WWOX: variants seen among roughly 807,000 people sequenced by gnomAD.
WWOX encodes the protein WW domain-containing oxidoreductase.
In WWOX, 69 loss-of-function variants were observed where a neutral mutation model predicts 46.2. The ratio of observed to expected loss-of-function variants is 1.49; its 90% CI spans 1.23 to 1.82. WWOX has a LOEUF of 1.82. WWOX is among the 40% of genes most tolerant of loss of function. The pLI, the probability that WWOX is intolerant of heterozygous loss-of-function variation, is 0.00. For synonymous variants in WWOX, 359 were observed against 202.6 expected (o/e 1.77, Z -6.56); for missense variants, 919 against 542.6 (o/e 1.69, Z -6.89).
Position 78,972,101 on chromosome 16 carries a change from G to A in WWOX, c.1057-239507G>A, listed in dbSNP as rs143997163. 3.1e-3 allele frequency among the ~76,000 whole-genome samples: 477 copies of A among 152,278 alleles called. 1 individual carries two copies. The highest frequency in any genetic ancestry group is 4.7e-3 in the Non-Finnish European group (319 of 68,024). ...ATACCCAGCAGCCCAGACCTCTCAG[G>A]AAAGAGCAGGCTGTCGTCCTGCATT... On this transcript the variant is annotated intron_variant, in intron 8 of 8. Coordinates refer to ENST00000566780, the MANE Select transcript of WWOX (RefSeq NM_016373.4).
intron 8 of WWOX, among the ~76,000 whole-genome samples, chr16:78,931,071 G>A (rs767699522): frequency 4.6e-5 from 7 of 152,124 alleles, no homozygotes; most frequent in Non-Finnish European, 1.0e-4. Context: ...GTTTTACTTA[G>A]TGATGAGCAT....
chr16:78,652,357 C>G (rs1389264452), intron 8 of WWOX, among the ~76,000 whole-genome samples: 2 of 137,184 alleles, frequency 1.5e-5, no homozygotes, highest in African/African-American at 5.7e-5. Context: ...TGCAGCGAGT[C>G]AAGGTCACGC....
chr16:79,147,548 A>T (rs1380666764), intron 8 of WWOX, among the ~76,000 whole-genome samples: 1 of 152,248 alleles, frequency 6.6e-6, no homozygotes, highest in African/African-American at 2.4e-5. Context: ...TAATGCTATT[A>T]TAAACATTTG....
intron 8 of WWOX, among the ~76,000 whole-genome samples, chr16:78,702,852 C>A (rs1233199179): frequency 6.6e-6 from 1 of 152,054 alleles, no homozygotes; most frequent in Non-Finnish European, 1.5e-5. Context: ...CTGTCCTTTT[C>A]CACCATTGTT....
intron 8 of WWOX, among the ~76,000 whole-genome samples, chr16:78,655,323 G>A (rs1016842626): frequency 1.3e-5 from 2 of 152,194 alleles, no homozygotes; most frequent in Non-Finnish European, 2.9e-5. Flanking sequence ...ACCGAGCAGT[G>A]CCTGTCCTTT....
At chr16:78,851,078 G>A (rs1378075771) in intron 8 of WWOX, among the ~76,000 whole-genome samples, 1 of 152,186 alleles carries the variant, frequency 6.6e-6, no homozygotes, top group Admixed American at 6.5e-5. Context: ...AGTGAGGCCA[G>A]GTGACTTAAT....
At chr16:79,078,569 C>T (rs1308977930) in intron 8 of WWOX, among the ~76,000 whole-genome samples, 1 of 152,192 alleles carries the variant, frequency 6.6e-6, no homozygotes, top group African/African-American at 2.4e-5. Context: ...ATTCATTAAG[C>T]ATCCCTCGCC....
chr16:78,358,836 T>A (rs2081350402), intron 5 of WWOX, among the ~76,000 whole-genome samples: 1 of 150,494 alleles, frequency 6.6e-6, no homozygotes, highest in Admixed American at 6.6e-5. Context: ...AATTCAAATA[T>A]ATTTCATAAA....
intron 8 of WWOX, among the ~76,000 whole-genome samples, chr16:78,482,726 G>C (rs11864507): frequency 0.64 from 96,968 of 152,044 alleles, 34,611 homozygotes; most frequent in East Asian, 0.84. Flanking sequence ...GTAAGTGGCA[G>C]AGCACTTATT....
intron 8 of WWOX, among the ~76,000 whole-genome samples, chr16:79,006,601 C>T (rs185000004): frequency 8.6e-5 from 13 of 151,980 alleles, no homozygotes; most frequent in African/African-American, 2.4e-4. Context: ...ACAAATGTAC[C>T]GTCTTAAAAA....
chr16:79,155,555 A>G (rs2050364707), intron 8 of WWOX, among the ~76,000 whole-genome samples: 1 of 152,194 alleles, frequency 6.6e-6, no homozygotes, highest in Non-Finnish European at 1.5e-5. Flanking sequence ...AGGAAAAACT[A>G]CATGGTTGGC....
At position 78,457,909 on chromosome 16, in the gene WWOX, CAA is replaced by C. The variant is rs57956003; in HGVS notation, c.1056+25175_1056+25176del. On this transcript the variant is annotated intron_variant, in intron 8 of 8. Transcript: ENST00000566780. ...CCAGCCTGAGCGTGAGACTCTGACTCAAAAAAAAAAAAAAAAAAATTAGCTGG... is the reference window on the plus strand; with the variant it reads ...CCAGCCTGAGCGTGAGACTCTGACTCAAAAAAAAAAAAAAAAATTAGCTGG... Among the ~76,000 whole-genome samples, 174 of 86,908 alleles carry C rather than the reference CAA, an allele frequency of 2.0e-3. 1 individual carries two copies. The highest frequency in any genetic ancestry group is 7.7e-3 in the African/African-American group (134 of 17,310). The allele number at this position is 86,908 out of a possible 152,430, so 57.0% of individuals were successfully genotyped here.
intron 8 of WWOX, among the ~76,000 whole-genome samples, chr16:78,562,998 TA>T (rs1491443768): frequency 6.6e-6 from 1 of 150,608 alleles, no homozygotes; most frequent in African/African-American, 2.5e-5. Context: ...TTTTTTTTTT[TA>T]ATCCCTCCCC....
chr16:78,816,530 T>G (rs995615111), intron 8 of WWOX, among the ~76,000 whole-genome samples: 38 of 143,298 alleles, frequency 2.7e-4, no homozygotes, highest in South Asian at 4.5e-4. Flanking sequence ...TTTTTTTTTT[T>G]TTGATACAAT....
In WWOX at chr16:78,361,834, A is replaced by C. The variant is rs559700058; in HGVS notation, c.517-25026A>C. Among the ~76,000 whole-genome samples the C allele has an allele frequency of 1.7e-3, 253 of 150,810 alleles. 1 individual carries two copies. Among genetic ancestry groups the C allele is most frequent in the Non-Finnish European group, 1.8e-3 (124 of 67,636 alleles). On this transcript the variant is annotated intron_variant, in intron 5 of 8. Transcript: ENST00000566780. ...ACCACTTTGACCAGGCTGGTCTCAAACTCCTCTTCTCTGGTGATCCTCCCA... is the reference window on the plus strand; with the variant it reads ...ACCACTTTGACCAGGCTGGTCTCAACCTCCTCTTCTCTGGTGATCCTCCCA...
chr16:78,290,166 G>A (rs2079836850), intron 5 of WWOX, among the ~76,000 whole-genome samples: 1 of 152,168 alleles, frequency 6.6e-6, no homozygotes, highest in Non-Finnish European at 1.5e-5. Context: ...TACACTGGAA[G>A]TGTAATCCGA....
chr16:78,965,645 C>T (rs186784451), intron 8 of WWOX, among the ~76,000 whole-genome samples: 34 of 152,036 alleles, frequency 2.2e-4, no homozygotes, highest in African/African-American at 8.2e-4. Context: ...GCACTGTTAG[C>T]ATCTCTGGCA....
intron 5 of WWOX, among the ~76,000 whole-genome samples, chr16:78,188,763 C>G (rs1010703303): frequency 6.6e-6 from 1 of 152,062 alleles, no homozygotes; most frequent in East Asian, 1.9e-4. Flanking sequence ...TCCTTCATGG[C>G]TACTGGGGAG....
At chr16:79,067,359 C>G (rs2048460408) in intron 8 of WWOX, among the ~76,000 whole-genome samples, 1 of 152,190 alleles carries the variant, frequency 6.6e-6, no homozygotes, top group Non-Finnish European at 1.5e-5. Flanking sequence ...GTTGTCTGCT[C>G]TCGCTCTCTC....
Sources: gnomAD v4.1 joint callset for allele counts (sites outside exome capture counted in the v4.1 genomes callset) on GRCh38, gnomAD v4.1.1 for gene constraint, MANE v1.5 for transcripts, NCBI Gene and HGNC (gene_info 2026-07-23, HGNC 2026-07-21) for gene names.